C2orf15: variants seen among roughly 807,000 people sequenced by gnomAD.
C2orf15 encodes the protein uncharacterized protein C2orf15.
In C2orf15, 3 loss-of-function variants were observed where a neutral mutation model predicts 4.4. The ratio of observed to expected loss-of-function variants is 0.67; its 90% confidence interval spans 0.31 to 1.74. The LOEUF is 1.74. Ranked by LOEUF, C2orf15 falls within the 40% of genes most tolerant of loss-of-function variation. The pLI, the probability that C2orf15 is intolerant of heterozygous loss-of-function variation, is 0.09. For synonymous variants in C2orf15, 37 were observed against 36.8 expected, an observed-to-expected ratio of 1.00 and a Z score of -0.02; for missense variants, 90 against 103.3, an observed-to-expected ratio of 0.87 and a Z score of 0.56.
chr2:99,143,553 C>T (rs2093600623), intron 2 of C2orf15, among the ~76,000 whole-genome samples: 1 of 151,938 alleles, frequency 6.6e-6, no homozygotes, highest in African/African-American at 2.4e-5. Context: ...TCACTGCACC[C>T]TCCACCTTTC....
intron 2 of C2orf15, among the ~76,000 whole-genome samples, chr2:99,143,550 AC>A (rs2093600574): frequency 6.7e-6 from 1 of 149,826 alleles, no homozygotes; most frequent in Admixed American, 6.7e-5. Flanking sequence ...AGCTCACTGC[AC>A]CCTCCACCTT....
At chr2:99,149,442 CT>C (rs35395900) in intron 3 of C2orf15, among the ~76,000 whole-genome samples, 142 of 132,776 alleles carry the variant, frequency 1.1e-3, no homozygotes, top group Admixed American at 1.1e-3. Flanking sequence ...ACATGATCAT[CT>C]TTTTTTTTTT....
rs573591491 is a variant in C2orf15 at position 99,150,168 on chromosome 2, G to A, written c.-76-315G>A. Among the ~76,000 whole-genome samples the A allele has an allele frequency of 5.3e-5, 8 of 152,190 alleles. No individual in the cohort carries two copies. The South Asian group carries it at 1.0e-3, about 20-fold the overall frequency. ...CTAGCAGAGTACTTGGCCTTCAGTCGTTATTTCTTTAGCCCATTAGTAATG... is the reference window on the plus strand; with the variant it reads ...CTAGCAGAGTACTTGGCCTTCAGTCATTATTTCTTTAGCCCATTAGTAATG... On this transcript the variant is annotated intron_variant, in intron 3 of 3. Transcript: ENST00000650052.
rs1345236105 is a variant in C2orf15 at position 99,151,374 on chromosome 2, A to C, written c.*540A>C. On this transcript the variant is annotated 3_prime_UTR_variant, in exon 4 of 4. Coordinates refer to ENST00000650052, the MANE Select transcript of C2orf15 (RefSeq NM_144706.4). ...GCTACCTGGGAGGCTGAGGAAGGAGAATCGCTTGAACCCTGGAGGCGGAGG... is the reference window on the plus strand; with the variant it reads ...GCTACCTGGGAGGCTGAGGAAGGAGCATCGCTTGAACCCTGGAGGCGGAGG... The C allele has an allele frequency of 2.6e-5, 4 of 151,584 alleles. No homozygotes were observed. 9.4% of individuals were successfully genotyped at this position (151,584 alleles called of 1,614,324 possible). A position where few individuals can be genotyped will look rare whatever the true frequency, so the allele number is the denominator to read the frequency against.
chr2:99,146,660 G>A (rs1172948302), intron 2 of C2orf15, among the ~76,000 whole-genome samples: 3 of 151,962 alleles, frequency 2.0e-5, no homozygotes, highest in Non-Finnish European at 4.4e-5. Flanking sequence ...ACGGAGTCTT[G>A]CTCTGTCGCC....
chr2:99,150,876 T>A lies in C2orf15; in HGVS notation c.*42T>A. The A allele has an allele frequency of 7.6e-7, 1 of 1,322,678 alleles. No homozygotes were observed. Among genetic ancestry groups the A allele is most frequent in the Non-Finnish European group, 1.0e-6 (1 of 952,802 alleles). The allele number at this position is 1,322,678 out of a possible 1,614,324, so 81.9% of individuals were successfully genotyped here. On this transcript the variant is annotated 3_prime_UTR_variant, in exon 4 of 4. Coordinates refer to ENST00000650052, the MANE Select transcript of C2orf15 (RefSeq NM_144706.4). The stretch of plus-strand genomic sequence containing the variant: ...TACCAAAGAAACCAAAAACTGCCTT[T>A]GACTAAGGGGGGTGTTGAAAGAGAA...
rs1574780139 is a variant in C2orf15, at chr2:99,150,863, C to A, written c.*29C>A. 1.4e-6 allele frequency: 2 copies of A among 1,461,262 alleles called. No individual in the cohort carries two copies. Among genetic ancestry groups the A allele is most frequent in the East Asian group, 2.3e-5 (1 of 43,872 alleles). 90.5% of individuals were successfully genotyped at this position (1,461,262 alleles called of 1,614,324 possible). On this transcript the variant is annotated 3_prime_UTR_variant, in exon 4 of 4. Transcript: ENST00000650052. ...AATTTGTACGTATTACCAAAGAAAC[C>A]AAAAACTGCCTTTGACTAAGGGGGG...
At chr2:99,143,458 C>CT (rs772829065) in intron 2 of C2orf15, among the ~76,000 whole-genome samples, 3,424 of 141,070 alleles carry the variant, frequency 0.024, 49 homozygotes, top group Middle Eastern at 0.04. Context: ...TGCGCCCAGA[C>CT]TTTTTTTTTT....
chr2:99,144,542 G>C (rs959447339), intron 2 of C2orf15, among the ~76,000 whole-genome samples: 1 of 151,100 alleles, frequency 6.6e-6, no homozygotes, highest in Admixed American at 6.6e-5. Context: ...CCAGCTACTC[G>C]GGAGGCTGAG....
chr2:99,148,443 C>T (rs978558416), intron 3 of C2orf15: 6 of 152,216 alleles, frequency 3.9e-5, no homozygotes, highest in African/African-American at 1.4e-4. Flanking sequence ...CAAATATATA[C>T]TATTTACCTA....
At chr2:99,149,512 G>A (rs1422844968) in intron 3 of C2orf15, among the ~76,000 whole-genome samples, 1 of 147,566 alleles carries the variant, frequency 6.8e-6, no homozygotes, top group Non-Finnish European at 1.5e-5. Flanking sequence ...GCGCGATCTC[G>A]GCTCACTGCA....
rs1419632815 is a variant in C2orf15, at chr2:99,150,823, G to C, written c.265G>C (p.Asp89His). Residue 89 changes from aspartate (D) to histidine (H), a missense_variant, in exon 4 of 4, where the codon GAT becomes CAT. Asp to His is a moderately conservative substitution (Grantham distance 81, BLOSUM62 -1). Transcript: ENST00000650052. ...VKESDGLEMT[D>H]VE ...AGAAAGTGATGGACTAGAAATGACA[G>C]ATGTGGAATGAAGCAATTTGTACGT... is the stretch of plus-strand genomic sequence containing the variant. 6.3e-7 allele frequency: 1 copy of C among 1,582,974 alleles called. No homozygotes were observed. Among genetic ancestry groups the C allele is most frequent in the African/African-American group, 1.4e-5 (1 of 73,098 alleles).
At chr2:99,144,211 CG>C (rs1253213368) in intron 2 of C2orf15, among the ~76,000 whole-genome samples, 1 of 151,752 alleles carries the variant, frequency 6.6e-6, no homozygotes, top group Non-Finnish European at 1.5e-5. Flanking sequence ...TTAGTAGAGA[CG>C]GGGTTTCACT....
intron 3 of C2orf15, among the ~76,000 whole-genome samples, chr2:99,147,860 A>T (rs1279569836): frequency 2.0e-5 from 3 of 152,160 alleles, no homozygotes; most frequent in African/African-American, 4.8e-5. Flanking sequence ...TTCACCCCTA[A>T]CTATTTCAGT....
chr2:99,149,207 AG>A (rs1321067834), intron 3 of C2orf15, among the ~76,000 whole-genome samples: 2 of 151,410 alleles, frequency 1.3e-5, no homozygotes, highest in Admixed American at 1.3e-4. Context: ...TTTCGATCGA[AG>A]CTGTGGAATC....
At chr2:99,143,069 A>C (rs2093589260) in intron 2 of C2orf15, among the ~76,000 whole-genome samples, 1 of 151,916 alleles carries the variant, frequency 6.6e-6, no homozygotes, top group Non-Finnish European at 1.5e-5. Context: ...TGAGAAAGTA[A>C]AAATTTCCTT....
At chr2:99,146,634 T>A (rs777284946) in intron 2 of C2orf15, among the ~76,000 whole-genome samples, 17 of 152,150 alleles carry the variant, frequency 1.1e-4, no homozygotes, top group Non-Finnish European at 2.1e-4. Flanking sequence ...GCACTCCACT[T>A]TTTTTTCTTT....
At chr2:99,150,281 TA>T (rs1480962619) in intron 3 of C2orf15, among the ~76,000 whole-genome samples, 1 of 152,194 alleles carries the variant, frequency 6.6e-6, no homozygotes, top group African/African-American at 2.4e-5. Context: ...TACAATCAGA[TA>T]AATTTCCTTT....
In C2orf15 at chr2:99,146,359, G is replaced by A. The variant is rs532973485; in HGVS notation, c.-168-1043G>A. Among the ~76,000 whole-genome samples the A allele has an allele frequency of 1.2e-4, 18 of 152,120 alleles. 1 individual carries two copies. The highest frequency in any genetic ancestry group is 3.4e-3 in the Middle Eastern group (1 of 294). On this transcript the variant is annotated intron_variant, in intron 2 of 3. Coordinates refer to ENST00000650052, the MANE Select transcript of C2orf15 (RefSeq NM_144706.4). ...TCTTTTTCCTTGCTAATTTCTAGGT[G>A]TTCTCTTTTTATTCCAGCCATTAAA...
Sources: gnomAD v4.1 joint callset for allele counts (sites outside exome capture counted in the v4.1 genomes callset) on GRCh38, gnomAD v4.1.1 for gene constraint, MANE v1.5 for transcripts, NCBI Gene and HGNC (gene_info 2026-07-23, HGNC 2026-07-21) for gene names.